Variants in KIF6 observed in about 807,000 individuals in gnomAD.
KIF6 encodes the protein kinesin-like protein KIF6.
In KIF6, 106 loss-of-function variants were observed where a neutral mutation model predicts 112.7. The ratio of observed to expected loss-of-function variants is 0.94; its 90% CI spans 0.80 to 1.11. KIF6 has a LOEUF of 1.11. Ranked by LOEUF, KIF6 falls within the 50% of genes least tolerant of loss-of-function variation. The probability of loss-of-function intolerance (pLI) is 0.00; values close to 1 mark genes in which losing one functional copy is unlikely to be tolerated. For missense variants in KIF6, 929 were observed against 964.0 expected, an observed-to-expected ratio of 0.96 and a Z score of 0.48; for synonymous variants, 339 against 339.9, an observed-to-expected ratio of 1.00 and a Z score of 0.03.
rs755125752 is a variant in KIF6 at position 39,467,649 on chromosome 6, C to T, written c.1646-36488G>A. ...GAGATAGTCCATCCAAGCCACTAGA[C>T]GAATAAACAAGTATAAACAAGCCCC... On this transcript the variant is annotated intron_variant, in intron 13 of 22. Coordinates refer to ENST00000287152, the MANE Select transcript of KIF6 (RefSeq NM_145027.6). 7.9e-5 allele frequency among the ~76,000 whole-genome samples: 12 copies of T among 152,070 alleles called. 1 individual carries two copies. The South Asian group carries it at 8.3e-4, about 10-fold the overall frequency.
intron 3 of KIF6, among the ~76,000 whole-genome samples, chr6:39,676,038 A>C (rs1787118663): frequency 6.9e-6 from 1 of 145,142 alleles, no homozygotes; most frequent in Non-Finnish European, 1.5e-5. Context: ...TAGGCACTAC[A>C]GAGAATGGAG....
At chr6:39,415,665 C>T (rs1360693486) in intron 15 of KIF6, among the ~76,000 whole-genome samples, 3 of 152,218 alleles carry the variant, frequency 2.0e-5, no homozygotes, top group African/African-American at 7.2e-5. Flanking sequence ...AAGAAGCAGA[C>T]ATGCAGGAGG....
chr6:39,530,485 T>A (rs1207445480), intron 13 of KIF6, among the ~76,000 whole-genome samples: 1 of 152,170 alleles, frequency 6.6e-6, no homozygotes, highest in Non-Finnish European at 1.5e-5. Context: ...CGGAACAATC[T>A]CTCTCATTAT....
chr6:39,545,526 TTTTGCAGCTTGAACATGGCTGAAAA>T (rs1391974774), intron 11 of KIF6, 32 bp downstream of exon 11: 2 of 1,352,582 alleles, frequency 1.5e-6, no homozygotes, highest in African/African-American at 2.9e-5. Flanking sequence ...AGAAAAGTTT[TTTTGCAGCTTGAACATGGCTGAAAA>T]TGGCTTCTAT....
Position 39,342,004 on chromosome 6 carries a change from T to C in KIF6, c.2428+1705A>G, listed in dbSNP as rs1018831677. Among the ~76,000 whole-genome samples, 5 of 152,222 alleles carry C rather than the reference T, an allele frequency of 3.3e-5. No individual in the cohort carries two copies. The highest frequency in any genetic ancestry group is 1.2e-4 in the African/African-American group (5 of 41,462). On this transcript the variant is annotated intron_variant, in intron 22 of 22. Transcript: ENST00000287152. The surrounding 1 kb of genome is among the most constrained non-coding windows in gnomAD (Gnocchi z 4.7). ...AAAATTATTCAGTGGGCTTCCACTC[T>C]ATCCAGAATAAAATCCAAATCTCTT...
At chr6:39,463,592 C>T (rs1399864057) in intron 13 of KIF6, among the ~76,000 whole-genome samples, 1 of 152,190 alleles carries the variant, frequency 6.6e-6, no homozygotes, top group Non-Finnish European at 1.5e-5. Flanking sequence ...TTTTACTTCT[C>T]ATCACATCAT....
intron 3 of KIF6, among the ~76,000 whole-genome samples, chr6:39,700,494 T>C (rs988177154): frequency 3.3e-5 from 5 of 152,218 alleles, no homozygotes; most frequent in Admixed American, 2.0e-4. Flanking sequence ...AATGTAAATA[T>C]ATACAATGCA....
At chr6:39,415,718 A>G (rs971848180) in intron 15 of KIF6, among the ~76,000 whole-genome samples, 22 of 152,236 alleles carry the variant, frequency 1.4e-4, no homozygotes, top group African/African-American at 5.3e-4. Flanking sequence ...AGTACAGAAC[A>G]TGCACAGAAC....
At chr6:39,371,415 AG>A (rs371260477) in intron 16 of KIF6, among the ~76,000 whole-genome samples, 192 of 152,166 alleles carry the variant, frequency 1.3e-3, no homozygotes, top group African/African-American at 4.1e-3. Context: ...AAGTAACTGG[AG>A]GGTAGGAGGA....
At chr6:39,693,112 T>C (rs1263360857) in intron 3 of KIF6, among the ~76,000 whole-genome samples, 1 of 151,894 alleles carries the variant, frequency 6.6e-6, no homozygotes, top group Non-Finnish European at 1.5e-5. Flanking sequence ...CCCTGGGAGG[T>C]TGGTACTATG....
chr6:39,513,956 A>G (rs1776923653), intron 13 of KIF6, among the ~76,000 whole-genome samples: 2 of 152,228 alleles, frequency 1.3e-5, no homozygotes, highest in South Asian at 4.1e-4. Context: ...GTGGTGATCA[A>G]AGATTTGGCA....
chr6:39,703,199 T>C (rs1788982538), intron 3 of KIF6, among the ~76,000 whole-genome samples: 1 of 149,176 alleles, frequency 6.7e-6, no homozygotes, highest in African/African-American at 2.5e-5. Flanking sequence ...GGATGAAGAC[T>C]GAACAAAGCC....
intron 3 of KIF6, among the ~76,000 whole-genome samples, chr6:39,699,959 T>C (rs554791285): frequency 6.6e-6 from 1 of 152,352 alleles, no homozygotes; most frequent in Non-Finnish European, 1.5e-5. Flanking sequence ...TTATTTTTGA[T>C]ACATTCCAGC....
chr6:39,641,636 A>C (rs1784905325), intron 3 of KIF6, among the ~76,000 whole-genome samples: 1 of 151,936 alleles, frequency 6.6e-6, no homozygotes, highest in African/African-American at 2.4e-5. Flanking sequence ...TAAAACTTAA[A>C]GTATAATATA....
chr6:39,338,159 A>T (rs150815102), intron 22 of KIF6, among the ~76,000 whole-genome samples: 1 of 152,258 alleles, frequency 6.6e-6, no homozygotes, highest in Non-Finnish European at 1.5e-5. Context: ...ATGAAGTAAT[A>T]AATACAATGT....
rs556990205 is a variant in KIF6, at chr6:39,617,078, AT to A, written c.510-3761del. Among the ~76,000 whole-genome samples, 331 of 151,942 alleles carry A rather than the reference AT, an allele frequency of 2.2e-3. 2 individuals are homozygous for A. Among genetic ancestry groups the A allele is most frequent in the African/African-American group, 6.9e-3 (285 of 41,450 alleles). On this transcript the variant is annotated intron_variant, in intron 5 of 22. Coordinates refer to ENST00000287152, the MANE Select transcript of KIF6 (RefSeq NM_145027.6). ...TGGAAACCCCCAAACTATTTATTTG[AT>A]TTTTTTTAACAGGCCTGTGAACAGC...
intron 14 of KIF6, among the ~76,000 whole-genome samples, chr6:39,428,783 T>A (rs1034996787): frequency 6.6e-6 from 1 of 152,236 alleles, no homozygotes; most frequent in African/African-American, 2.4e-5. Context: ...GCTATGCTTT[T>A]AAGGTCTATG....
intron 13 of KIF6, among the ~76,000 whole-genome samples, chr6:39,435,709 G>A (rs1247452299): frequency 6.6e-6 from 1 of 152,112 alleles, no homozygotes; most frequent in Non-Finnish European, 1.5e-5. Context: ...ACATTATTTT[G>A]TTCTTTATGG....
Position 39,378,386 on chromosome 6 carries a change from C to A in KIF6, c.1861+7236G>T, listed in dbSNP as rs1309187803. Among the ~76,000 whole-genome samples, 1 of 151,938 alleles carries A rather than the reference C, an allele frequency of 6.6e-6. No homozygotes were observed. The highest frequency in any genetic ancestry group is 2.4e-5 in the African/African-American group (1 of 41,342). ...GTGCCACATATACATACAATACATA[C>A]AACATACCCACACTGCACACATACC... On this transcript the variant is annotated intron_variant, in intron 16 of 22. Transcript: ENST00000287152. This position sits in a 1 kb window ranked among gnomAD's most constrained non-coding sequence, Gnocchi z 5.0.
Sources: gnomAD v4.1 joint callset for allele counts (sites outside exome capture counted in the v4.1 genomes callset) on GRCh38, gnomAD v4.1.1 for gene constraint, Gnocchi (gnomAD v3.1) non-coding constraint, MANE v1.5 for transcripts, NCBI Gene and HGNC (gene_info 2026-07-23, HGNC 2026-07-21) for gene names.